PCDHGA5: variants seen among roughly 807,000 people sequenced by gnomAD.
The protein encoded by PCDHGA5 is protocadherin gamma-A5.
In PCDHGA5, 36 loss-of-function variants were observed where a neutral mutation model predicts 56.7. That is an observed-to-expected ratio of 0.64 (90% CI 0.49 to 0.84). The LOEUF is 0.84. Ranked by LOEUF, PCDHGA5 falls within the 40% of genes least tolerant of loss-of-function variation. The pLI is 0.00. For missense variants in PCDHGA5, 1,305 were observed against 1,201.5 expected, an observed-to-expected ratio of 1.09 and a Z score of -1.27; for synonymous variants, 563 against 520.2, an observed-to-expected ratio of 1.08 and a Z score of -1.12.
At chr5:141,388,889 CAT>C in intron 1 of PCDHGA5, 6 of 1,613,954 alleles carry the variant, frequency 3.7e-6, no homozygotes, top group Non-Finnish European at 5.1e-6. Flanking sequence ...AGGTAGAAGT[CAT>C]AGATGAAAAT....
rs200117787 is a variant in PCDHGA5, at chr5:141,477,443, G to T, written c.2422-17364G>T. ...CCCTTCCCTCTCAGCCCTTACAATA[G>T]TGCGTGTTCAAGTGTCCGACATCAA... On this transcript the variant is annotated intron_variant, in intron 1 of 3. Coordinates refer to ENST00000518069, the MANE Select transcript of PCDHGA5 (RefSeq NM_018918.3). This position sits in a 1 kb window ranked among gnomAD's most constrained non-coding sequence, Gnocchi z 4.9. The T allele has an allele frequency of 1.7e-5, 28 of 1,614,136 alleles. No homozygotes were observed. In the East Asian group the frequency reaches 6.2e-4, roughly 36 times the overall value.
Position 141,423,504 on chromosome 5 carries a change from T to G in PCDHGA5, c.2421+56753T>G, listed in dbSNP as rs1448233226. ...TGCAAACCTATTCCCACGAGGTCTCTCTCATTGCGGACTCGCAGAAGAGTC... is the reference window on the plus strand; with the variant it reads ...TGCAAACCTATTCCCACGAGGTCTCGCTCATTGCGGACTCGCAGAAGAGTC... On this transcript the variant is annotated intron_variant, in intron 1 of 3. Transcript: ENST00000518069. The G allele has an allele frequency of 3.1e-6, 5 of 1,613,770 alleles. No individual in the cohort carries two copies. The Admixed American group carries it at 8.3e-5, about 27-fold the overall frequency.
intron 1 of PCDHGA5, among the ~76,000 whole-genome samples, chr5:141,401,348 A>G (rs1312849099): frequency 2.0e-5 from 3 of 152,220 alleles, no homozygotes; most frequent in African/African-American, 4.8e-5. Flanking sequence ...ATCTCAAAAA[A>G]AAGGAAGGAG....
At chr5:141,385,542 A>G in intron 1 of PCDHGA5, 1 of 1,327,542 alleles carries the variant, frequency 7.5e-7, no homozygotes. Context: ...GAATATGTGG[A>G]CTATCACATT....
In PCDHGA5 at chr5:141,503,070, G is replaced by A. The variant is rs868143537; in HGVS notation, c.2481-2323G>A. 1.5e-4 allele frequency among the ~76,000 whole-genome samples: 23 copies of A among 151,614 alleles called. No individual in the cohort carries two copies. The Middle Eastern group carries it at 0.01, about 68-fold the overall frequency. On this transcript the variant is annotated intron_variant, in intron 2 of 3. Coordinates refer to ENST00000518069, the MANE Select transcript of PCDHGA5 (RefSeq NM_018918.3). ...GGGTTTCACCATGTTGGTCAGAATGGTCTCGATCTCCTGACCTCGTGGTCT... is the reference window on the plus strand; with the variant it reads ...GGGTTTCACCATGTTGGTCAGAATGATCTCGATCTCCTGACCTCGTGGTCT...
Position 141,490,924 on chromosome 5 carries a change from C to A in PCDHGA5, c.2422-3883C>A. 1 of 1,613,680 alleles carries A rather than the reference C, an allele frequency of 6.2e-7. No individual in the cohort carries two copies. Among genetic ancestry groups the A allele is most frequent in the Non-Finnish European group, 8.5e-7 (1 of 1,179,694 alleles). On this transcript the variant is annotated intron_variant, in intron 1 of 3. Coordinates refer to ENST00000518069, the MANE Select transcript of PCDHGA5 (RefSeq NM_018918.3). The surrounding 1 kb of genome is among the most constrained non-coding windows in gnomAD (Gnocchi z 5.4). ...TGTCCTAGACGAGAATGATAATGCC[C>A]CAGCTGTGCTGCACCCACGGCCAGA...
rs2099811015 is a variant in PCDHGA5 at position 141,501,774 on chromosome 5, G to GTC, written c.2481-3612_2481-3611dup. ...CTCTCAGTAAATGGTTAAAAAAGAG[G>GTC]TCTCTCTCCCTCTGCTCATCTCTTA... is the stretch of plus-strand genomic sequence containing the variant. On this transcript the variant is annotated intron_variant, in intron 2 of 3. Coordinates refer to ENST00000518069, the MANE Select transcript of PCDHGA5 (RefSeq NM_018918.3). Among the ~76,000 whole-genome samples, 3 of 152,062 alleles carry GTC rather than the reference G, an allele frequency of 2.0e-5. No homozygotes were observed. In the South Asian group the frequency reaches 6.2e-4, roughly 32 times the overall value.
At chr5:141,452,421 C>A (rs1211472567) in intron 1 of PCDHGA5, among the ~76,000 whole-genome samples, 2 of 152,180 alleles carry the variant, frequency 1.3e-5, no homozygotes, top group Non-Finnish European at 2.9e-5. Context: ...ATGCTCACTG[C>A]TAATGGGCTG....
At chr5:141,422,345 A>G in intron 1 of PCDHGA5, 1 of 1,551,648 alleles carries the variant, frequency 6.4e-7, no homozygotes, top group South Asian at 1.3e-5. Context: ...CTAAATGTGC[A>G]AGATCAAGAT....
At chr5:141,369,703 A>G (rs757750981) in intron 1 of PCDHGA5, among the ~76,000 whole-genome samples, 12 of 152,254 alleles carry the variant, frequency 7.9e-5, no homozygotes, top group Admixed American at 1.3e-4. Flanking sequence ...AAAAGCTATG[A>G]CATTATAACT....
chr5:141,485,416 C>T lies in PCDHGA5; in HGVS notation c.2422-9391C>T, dbSNP rs1311879785. On this transcript the variant is annotated intron_variant, in intron 1 of 3. Coordinates refer to ENST00000518069, the MANE Select transcript of PCDHGA5 (RefSeq NM_018918.3). This position sits in a 1 kb window ranked among gnomAD's most constrained non-coding sequence, Gnocchi z 5.7. Reference sequence around the variant, plus strand: ...GACACTTCCGTGTGGATTTGGACAGCGGAGCCCTGCTCATCAAGAACCCAA... The same window carrying T: ...GACACTTCCGTGTGGATTTGGACAGTGGAGCCCTGCTCATCAAGAACCCAA... 10 of 1,613,988 alleles carry T rather than the reference C, an allele frequency of 6.2e-6. No individual in the cohort carries two copies. Among genetic ancestry groups the T allele is most frequent in the South Asian group, 4.4e-5 (4 of 91,086 alleles).
rs540507159 is a variant in PCDHGA5 at position 141,422,671 on chromosome 5, A to G, written c.2421+55920A>G. On this transcript the variant is annotated intron_variant, in intron 1 of 3. Coordinates refer to ENST00000518069, the MANE Select transcript of PCDHGA5 (RefSeq NM_018918.3). The stretch of plus-strand genomic sequence containing the variant: ...CTCAGTGACCGCCCTCGACCCGGAC[A>G]GCAAACAGAATGCCCTGGTCACTTA... 4 of 1,607,248 alleles carry G rather than the reference A, an allele frequency of 2.5e-6. No homozygotes were observed. The Admixed American group carries it at 5.0e-5, about 20-fold the overall frequency.
At chr5:141,464,944 G>T (rs1379789566) in intron 1 of PCDHGA5, among the ~76,000 whole-genome samples, 1 of 151,826 alleles carries the variant, frequency 6.6e-6, no homozygotes, top group African/African-American at 2.4e-5. Context: ...GTCTCACTAT[G>T]TTGCCCAGGC....
At position 141,487,688 on chromosome 5, in the gene PCDHGA5, G is replaced by A. The variant is rs376927186; in HGVS notation, c.2422-7119G>A. On this transcript the variant is annotated intron_variant, in intron 1 of 3. Coordinates refer to ENST00000518069, the MANE Select transcript of PCDHGA5 (RefSeq NM_018918.3). The surrounding 1 kb of genome is among the most constrained non-coding windows in gnomAD (Gnocchi z 5.0). ...AGGCATATGGCTAGGCCATGTCCTA[G>A]AGAGTACTGGCCTCTCAGTAAGTGC... 6.2e-7 allele frequency: 1 copy of A among 1,604,966 alleles called. No homozygotes were observed.
At chr5:141,369,714 T>A (rs565396016) in intron 1 of PCDHGA5, among the ~76,000 whole-genome samples, 20 of 152,268 alleles carry the variant, frequency 1.3e-4, no homozygotes, top group African/African-American at 4.3e-4. Context: ...CATTATAACT[T>A]TTAGAAGTTA....
intron 1 of PCDHGA5, among the ~76,000 whole-genome samples, chr5:141,382,340 T>G (rs535677710): frequency 3.4e-4 from 52 of 152,358 alleles, no homozygotes; most frequent in Middle Eastern, 3.4e-3. Context: ...AAGTAAAATC[T>G]TTCATATGTA....
chr5:141,491,136 G>A lies in PCDHGA5; in HGVS notation c.2422-3671G>A, dbSNP rs769904518. On this transcript the variant is annotated intron_variant, in intron 1 of 3. Coordinates refer to ENST00000518069, the MANE Select transcript of PCDHGA5 (RefSeq NM_018918.3). This position sits in a 1 kb window ranked among gnomAD's most constrained non-coding sequence, Gnocchi z 6.9. ...ACACTGGTGAGGTGCGCACAGCCCG[G>A]GCCTTACTGGAGGATGACTCTGACA... The A allele has an allele frequency of 2.4e-5, 38 of 1,614,030 alleles. 1 individual carries two copies. The South Asian group carries it at 4.1e-4, about 17-fold the overall frequency.
At chr5:141,369,943 A>G (rs1183061731) in intron 1 of PCDHGA5, among the ~76,000 whole-genome samples, 2 of 152,250 alleles carry the variant, frequency 1.3e-5, no homozygotes, top group African/African-American at 4.8e-5. Flanking sequence ...ATTGAGCAAG[A>G]TTATCTCTGC....
intron 1 of PCDHGA5, among the ~76,000 whole-genome samples, chr5:141,448,316 T>C (rs1042171540): frequency 6.6e-6 from 1 of 152,174 alleles, no homozygotes; most frequent in Non-Finnish European, 1.5e-5. Flanking sequence ...AGGAATCTTT[T>C]CTTTGAATCT....
Sources: allele counts gnomAD v4.1 joint callset (sites outside exome capture counted in the v4.1 genomes callset), GRCh38; gene constraint gnomAD v4.1.1; non-coding constraint Gnocchi (gnomAD v3.1); transcripts MANE v1.5; gene names NCBI Gene and HGNC (gene_info 2026-07-23, HGNC 2026-07-21).